The following LIN7A variants were observed in gnomAD, a reference collection of about 807,000 sequenced individuals.
LIN7A encodes protein lin-7 homolog A.
Under a neutral mutation model 29.8 loss-of-function variants are expected in LIN7A, and 25 were observed. The observed-to-expected ratio is 0.84, with a 90% CI of 0.61 to 1.17. LIN7A has a LOEUF of 1.17. Ranked by LOEUF, LIN7A falls within the 50% of genes most tolerant of loss-of-function variation. The pLI is 0.00. For missense variants in LIN7A, 239 were observed against 287.0 expected (o/e 0.83, Z 1.21); for synonymous variants, 118 against 107.5 (o/e 1.10, Z -0.60).
chr12:80,874,089 C>T (rs913777208), intron 2 of LIN7A, among the ~76,000 whole-genome samples: 4 of 152,046 alleles, frequency 2.6e-5, no homozygotes, highest in Non-Finnish European at 5.9e-5. Flanking sequence ...TTCCAAGTAT[C>T]GGGCTTAATA....
intron 1 of LIN7A, among the ~76,000 whole-genome samples, chr12:80,924,418 A>G (rs1365861066): frequency 6.6e-6 from 1 of 152,232 alleles, no homozygotes; most frequent in African/African-American, 2.4e-5. Context: ...GGTGGAGAAT[A>G]AAATAATTGT....
At position 80,801,233 on chromosome 12, in the gene LIN7A, C is replaced by T. The variant is rs540335962; in HGVS notation, c.*1-3507G>A. Among the ~76,000 whole-genome samples, 37 of 152,182 alleles carry T rather than the reference C, an allele frequency of 2.4e-4. 1 individual carries two copies. The East Asian group carries it at 7.1e-3, about 29-fold the overall frequency. On this transcript the variant is annotated intron_variant, in intron 5 of 5. Transcript: ENST00000552864. ...GCAATGAAAAAGTGTCACTTTCATA[C>T]ACAAACATCAAATGTAAATCAATAG...
chr12:80,841,524 C>T (rs997215970), intron 4 of LIN7A, among the ~76,000 whole-genome samples: 1 of 152,092 alleles, frequency 6.6e-6, no homozygotes, highest in Non-Finnish European at 1.5e-5. Context: ...CCCCCTCCCT[C>T]AACTTGCTTT....
intron 1 of LIN7A, among the ~76,000 whole-genome samples, chr12:80,927,951 T>C (rs1430269419): frequency 6.6e-6 from 1 of 152,146 alleles, no homozygotes; most frequent in Non-Finnish European, 1.5e-5. Flanking sequence ...AGTGAGAATA[T>C]GCGGTGTTTG....
intron 4 of LIN7A, among the ~76,000 whole-genome samples, chr12:80,822,436 G>A (rs1224967219): frequency 1.3e-5 from 2 of 152,048 alleles, no homozygotes; most frequent in East Asian, 3.9e-4. Context: ...CAGGCGCCTG[G>A]AATTCCAGCT....
intron 2 of LIN7A, among the ~76,000 whole-genome samples, chr12:80,876,631 T>G (rs1180707015): frequency 6.6e-6 from 1 of 152,146 alleles, no homozygotes; most frequent in Non-Finnish European, 1.5e-5. Context: ...AAAGGATATA[T>G]TCAACAATCG....
At chr12:80,855,489 C>T (rs894334896) in intron 2 of LIN7A, among the ~76,000 whole-genome samples, 2 of 151,900 alleles carry the variant, frequency 1.3e-5, no homozygotes, top group South Asian at 2.1e-4. Flanking sequence ...ATTTTAAAAT[C>T]TTCATTACAT....
rs958642513 is a variant in LIN7A at position 80,812,806 on chromosome 12, C to T, written c.484-1123G>A. 2.6e-5 allele frequency among the ~76,000 whole-genome samples: 4 copies of T among 152,176 alleles called. No homozygotes were observed. In the South Asian group the frequency reaches 8.3e-4, roughly 31 times the overall value. On this transcript the variant is annotated intron_variant, in intron 4 of 5. Coordinates refer to ENST00000552864, the MANE Select transcript of LIN7A (RefSeq NM_004664.4). ...CCTCAAGCGATCCACCTCCCTCAGCCTCTCAAGCTGCTGGGAGTACAGGCA... is the reference window on the plus strand; with the variant it reads ...CCTCAAGCGATCCACCTCCCTCAGCTTCTCAAGCTGCTGGGAGTACAGGCA...
intron 2 of LIN7A, among the ~76,000 whole-genome samples, chr12:80,872,228 T>C (rs1308075761): frequency 6.6e-6 from 1 of 152,130 alleles, no homozygotes; most frequent in Non-Finnish European, 1.5e-5. Context: ...AGATGAAAAT[T>C]TGAATATAAA....
intron 4 of LIN7A, among the ~76,000 whole-genome samples, chr12:80,838,679 A>G (rs1451119856): frequency 1.3e-5 from 2 of 152,212 alleles, no homozygotes; most frequent in Non-Finnish European, 2.9e-5. Flanking sequence ...AGCTTCTGAG[A>G]AAGGTAAAGC....
intron 4 of LIN7A, among the ~76,000 whole-genome samples, chr12:80,829,249 A>G (rs1255393429): frequency 6.6e-6 from 1 of 152,212 alleles, no homozygotes; most frequent in East Asian, 1.9e-4. Context: ...GATTTTAGCA[A>G]AGTTACCTCA....
intron 2 of LIN7A, among the ~76,000 whole-genome samples, chr12:80,876,805 CT>C (rs1487870019): frequency 1.3e-5 from 2 of 152,250 alleles, no homozygotes; most frequent in East Asian, 3.9e-4. Flanking sequence ...AGTTTGAAAA[CT>C]GTTTGACATA....
At chr12:80,896,540 G>A (rs1374282881) in intron 1 of LIN7A, among the ~76,000 whole-genome samples, 4 of 152,302 alleles carry the variant, frequency 2.6e-5, no homozygotes, top group Non-Finnish European at 5.9e-5. Context: ...GACAATCGAT[G>A]TGTCCTACTC....
At chr12:80,877,770 C>T (rs953005176) in intron 2 of LIN7A, among the ~76,000 whole-genome samples, 3 of 151,932 alleles carry the variant, frequency 2.0e-5, no homozygotes, top group African/African-American at 7.3e-5. Flanking sequence ...TGTAACTTAA[C>T]ATTCATTTTA....
chr12:80,809,732 CTT>C (rs1389613718), intron 5 of LIN7A, among the ~76,000 whole-genome samples: 1 of 152,078 alleles, frequency 6.6e-6, no homozygotes. Context: ...GATGGGGTCT[CTT>C]AACATTTTTT....
intron 2 of LIN7A, among the ~76,000 whole-genome samples, chr12:80,886,182 A>C (rs140634180): frequency 6.9e-6 from 1 of 144,242 alleles, no homozygotes; most frequent in African/African-American, 2.5e-5. Flanking sequence ...GCATTATTTG[A>C]ATAAAAAACT....
In LIN7A at chr12:80,937,837, A is replaced by G; in HGVS notation, c.-115T>C. 1 of 774,258 alleles carries G rather than the reference A, an allele frequency of 1.3e-6. No individual in the cohort carries two copies. Among genetic ancestry groups the G allele is most frequent in the Non-Finnish European group, 1.9e-6 (1 of 530,636 alleles). The allele number at this position is 774,258 out of a possible 1,614,324, so 48.0% of individuals were successfully genotyped here. On this transcript the variant is annotated 5_prime_UTR_variant, in exon 1 of 6. Coordinates refer to ENST00000552864, the MANE Select transcript of LIN7A (RefSeq NM_004664.4). ...AGGAAGGTGGTGGTGGTGGAGAAGAAAGCTTGGGTGGGTTGGTAGCCAGAT... is the reference window on the plus strand; with the variant it reads ...AGGAAGGTGGTGGTGGTGGAGAAGAGAGCTTGGGTGGGTTGGTAGCCAGAT...
At chr12:80,898,118 G>A (rs1194309787) in intron 1 of LIN7A, among the ~76,000 whole-genome samples, 10 of 152,124 alleles carry the variant, frequency 6.6e-5, no homozygotes, top group Non-Finnish European at 1.2e-4. Context: ...TTATATCTAA[G>A]TATTTAGTCC....
At chr12:80,896,933 C>A (rs898941246) in intron 1 of LIN7A, among the ~76,000 whole-genome samples, 2 of 152,268 alleles carry the variant, frequency 1.3e-5, no homozygotes, top group Non-Finnish European at 1.5e-5. Context: ...AAATTGATTA[C>A]CTACCCAATA....
Sources: allele counts gnomAD v4.1 joint callset (sites outside exome capture counted in the v4.1 genomes callset), GRCh38; gene constraint gnomAD v4.1.1; transcripts MANE v1.5; gene names NCBI Gene and HGNC (gene_info 2026-07-23, HGNC 2026-07-21).